TMC6: variants seen among roughly 807,000 people sequenced by gnomAD.
TMC6 encodes transmembrane channel-like protein 6.
A neutral mutation model predicts 95.4 loss-of-function variants in TMC6; 71 were observed. The ratio of observed to expected loss-of-function variants is 0.74; its 90% CI spans 0.61 to 0.91. The LOEUF (loss-of-function observed/expected upper bound fraction) is 0.91. Among genes scored for constraint, TMC6 ranks in the 40% least tolerant of loss-of-function variants. The pLI is 0.00. For missense variants in TMC6, 1,074 were observed against 1,079.1 expected (o/e 1.00, Z 0.07); for synonymous variants, 514 against 483.1 (o/e 1.06, Z -0.84).
chr17:78,124,269 A>G, intron 8 of TMC6, 90 bp from the exon 9 acceptor site: 1 of 1,527,878 alleles, frequency 6.5e-7, no homozygotes, highest in Admixed American at 1.8e-5. Flanking sequence ...GAGCAGGAGG[A>G]GGCCAGGCAG....
At chr17:78,114,845 A>G (rs1020960137) in intron 18 of TMC6, among the ~76,000 whole-genome samples, 3 of 152,168 alleles carry the variant, frequency 2.0e-5, no homozygotes, top group Admixed American at 6.5e-5. Context: ...GACGGGTCAG[A>G]GCTCGGCCTT....
At chr17:78,125,071 C>A (rs1268657642) in intron 6 of TMC6, 86 bp from the exon 7 acceptor site, 3 of 1,539,582 alleles carry the variant, frequency 1.9e-6, no homozygotes, top group African/African-American at 1.4e-5. Context: ...ACGGGCTCAG[C>A]CCCTTCTCCC....
In TMC6 at chr17:78,125,964, G is replaced by T; in HGVS notation, c.272-80C>A. The T allele has an allele frequency of 2.6e-6, 4 of 1,532,172 alleles. No individual in the cohort carries two copies. The South Asian group carries it at 4.8e-5, about 18-fold the overall frequency. 94.9% of individuals were successfully genotyped at this position (1,532,172 alleles called of 1,614,324 possible). A position where few individuals can be genotyped will look rare whatever the true frequency, so the allele number is the denominator to read the frequency against. On this transcript the variant is annotated intron_variant, in intron 4 of 19. Coordinates refer to ENST00000590602, the MANE Select transcript of TMC6 (RefSeq NM_001127198.5). ...CAGGATGGGCTCACCACAGGCCTCTGCGTCCCTCACCCCTTCCCAGGACCC... is the reference window on the plus strand; with the variant it reads ...CAGGATGGGCTCACCACAGGCCTCTTCGTCCCTCACCCCTTCCCAGGACCC...
At chr17:78,115,522 G>C (rs909697182) in intron 18 of TMC6, among the ~76,000 whole-genome samples, 1 of 152,180 alleles carries the variant, frequency 6.6e-6, no homozygotes, top group Non-Finnish European at 1.5e-5. Context: ...GAGGGGCCTC[G>C]GGGAGGAGGC....
chr17:78,126,917 A>AT lies in TMC6; in HGVS notation c.-74-12_-74-11insA. ...CTCCGGAGCCCCCATCTGATGAGACAGGGGCACAGAGCCAGGGGTGGTCTT... is the reference window on the plus strand; with the variant it reads ...CTCCGGAGCCCCCATCTGATGAGACATGGGGCACAGAGCCAGGGGTGGTCTT... On this transcript the variant is annotated splice_polypyrimidine_tract_variant and intron_variant, in intron 1 of 19. Transcript: ENST00000590602. 6.7e-7 allele frequency: 1 copy of AT among 1,485,788 alleles called. No individual in the cohort carries two copies. Among genetic ancestry groups the AT allele is most frequent in the Non-Finnish European group, 9.2e-7 (1 of 1,083,952 alleles). 92.0% of individuals were successfully genotyped at this position (1,485,788 alleles called of 1,614,324 possible). A position where few individuals can be genotyped will look rare whatever the true frequency, so the allele number is the denominator to read the frequency against.
intron 18 of TMC6, among the ~76,000 whole-genome samples, chr17:78,116,671 A>G (rs7502790): frequency 0.52 from 78,660 of 151,906 alleles, 21,106 homozygotes; most frequent in East Asian, 0.76. Flanking sequence ...GGATTGCCTC[A>G]GGAGCTCGAG....
chr17:78,118,820 C>T (rs1269554112), intron 15 of TMC6, 151 bp downstream of exon 15: 19 of 827,996 alleles, frequency 2.3e-5, no homozygotes, highest in Admixed American at 1.6e-4. Context: ...GTCCCTTGGG[C>T]GGAGGGACAG....
At chr17:78,127,372 C>G (rs1035153250) in intron 1 of TMC6, among the ~76,000 whole-genome samples, 1 of 152,176 alleles carries the variant, frequency 6.6e-6, no homozygotes, top group Non-Finnish European at 1.5e-5. Flanking sequence ...GCCCTCACCC[C>G]CAACCAGCCC....
chr17:78,120,298 T>C, intron 13 of TMC6: 1 of 386,542 alleles, frequency 2.6e-6, no homozygotes, highest in South Asian at 2.0e-5. Flanking sequence ...TAGCTGGGAC[T>C]ACTGGTGTGC....
Position 78,119,165 on chromosome 17 carries a change from G to A in TMC6, c.1812-119C>T. The stretch of plus-strand genomic sequence containing the variant: ...GGCCAAAACTGAGTCCCCGGGGTTA[G>A]GGTCTGCATCACTCCAGGGTCCATG... On this transcript the variant is annotated intron_variant, in intron 14 of 19. Transcript: ENST00000590602. 6 of 1,493,414 alleles carry A rather than the reference G, an allele frequency of 4.0e-6. No individual in the cohort carries two copies. In the South Asian group the frequency reaches 4.5e-5, roughly 11 times the overall value. 92.5% of individuals were successfully genotyped at this position (1,493,414 alleles called of 1,614,324 possible).
Position 78,121,806 on chromosome 17 carries a change from C to A in TMC6, c.1228-95G>T. On this transcript the variant is annotated intron_variant, in intron 10 of 19. Coordinates refer to ENST00000590602, the MANE Select transcript of TMC6 (RefSeq NM_001127198.5). This position sits in a 1 kb window ranked among gnomAD's most constrained non-coding sequence, Gnocchi z 5.6. The stretch of plus-strand genomic sequence containing the variant: ...CAACACACACAACACACATGAGACA[C>A]ACCAGGAGGCTTGAACCAGGACAGA... 6.9e-7 allele frequency: 1 copy of A among 1,452,446 alleles called. No homozygotes were observed. The allele number at this position is 1,452,446 out of a possible 1,614,324, so 90.0% of individuals were successfully genotyped here.
In TMC6 at chr17:78,122,462, C is replaced by T. The variant is rs149897791; in HGVS notation, c.1227+143G>A. 24,261 of 1,276,594 alleles carry T rather than the reference C, an allele frequency of 0.019. 288 individuals carry two copies. Among genetic ancestry groups the T allele is most frequent in the Non-Finnish European group, 0.022 (20,262 of 933,572 alleles). The allele number at this position is 1,276,594 out of a possible 1,614,324, so 79.1% of individuals were successfully genotyped here. A position where few individuals can be genotyped will look rare whatever the true frequency, so the allele number is the denominator to read the frequency against. ...GCCCGTCACTGCAAGCAGAAGACCA[C>T]GCCTGCCCAGCGCCCCGAGTTCAGC... On this transcript the variant is annotated intron_variant, in intron 10 of 19. Transcript: ENST00000590602. The surrounding 1 kb of genome is among the most constrained non-coding windows in gnomAD (Gnocchi z 4.9).
chr17:78,126,179 C>T, intron 4 of TMC6, 98 bp downstream of exon 4: 1 of 1,472,908 alleles, frequency 6.8e-7, no homozygotes, highest in South Asian at 1.2e-5. Flanking sequence ...GGAGCAGCCA[C>T]TACCCAGGGA....
chr17:78,130,361 C>T (rs958508527), upstream of TMC6, among the ~76,000 whole-genome samples: 8 of 152,214 alleles, frequency 5.3e-5, no homozygotes, highest in African/African-American at 1.9e-4. Context: ...GGCCCCTGTG[C>T]CCCCACCGTT....
At chr17:78,119,988 AT>A in intron 13 of TMC6, 2 of 383,644 alleles carry the variant, frequency 5.2e-6, no homozygotes, top group Non-Finnish European at 1.0e-5. Flanking sequence ...TTATTATTAA[AT>A]TCATATATTC....
At chr17:78,119,633 C>G (rs976865036) in intron 13 of TMC6, among the ~76,000 whole-genome samples, 1 of 152,124 alleles carries the variant, frequency 6.6e-6, no homozygotes, top group Non-Finnish European at 1.5e-5. Flanking sequence ...GCTCCAGCAC[C>G]AAATGATTTT....
chr17:78,129,610 G>A (rs2074907141), upstream of TMC6, among the ~76,000 whole-genome samples: 1 of 152,144 alleles, frequency 6.6e-6, no homozygotes, highest in Non-Finnish European at 1.5e-5. The surrounding 1 kb of genome is among the most constrained non-coding windows in gnomAD (Gnocchi z 4.3). Context: ...GGCAGGAGAG[G>A]GCACTGCTGC....
intron 3 of TMC6, 47 bp from the exon 4 acceptor site, chr17:78,126,413 C>T (rs749387296): frequency 6.2e-7 from 1 of 1,603,884 alleles, no homozygotes; most frequent in South Asian, 1.1e-5. Context: ...ATGCCATTGG[C>T]CACAGTATCT....
In TMC6 at chr17:78,125,213, G is replaced by A. The variant is rs145774728; in HGVS notation, c.481C>T (p.Arg161Trp). The change falls in exon 6 of 20, where the codon CGG becomes TGG. Residue 161 changes from arginine (R) to tryptophan (W), a missense_variant. Physicochemically the swap from Arg to Trp is moderately radical, Grantham distance 101 (BLOSUM62 -3). Coordinates refer to ENST00000590602, the MANE Select transcript of TMC6 (RefSeq NM_001127198.5). ...KELQSLAVAQ[R>W]DHMLRGMPLS... is the part of the protein sequence containing the mutation. The stretch of plus-strand genomic sequence containing the variant: ...GGCATCCCGCGAAGCATGTGGTCCC[G>A]CTGTGCCACTGCCAGGCTCTGGAGC... The A allele has an allele frequency of 5.9e-5, 94 of 1,590,652 alleles. No individual in the cohort carries two copies. The African/African-American group carries it at 8.2e-4, about 14-fold the overall frequency.
Sources: allele counts gnomAD v4.1 joint callset (sites outside exome capture counted in the v4.1 genomes callset), GRCh38; gene constraint gnomAD v4.1.1; non-coding constraint Gnocchi (gnomAD v3.1); transcripts MANE v1.5; gene names NCBI Gene and HGNC (gene_info 2026-07-23, HGNC 2026-07-21).